The following WRN variants were observed in gnomAD, a reference collection of about 807,000 sequenced individuals.
WRN encodes the protein bifunctional 3'-5' exonuclease/ATP-dependent helicase WRN.
In WRN, 149 loss-of-function variants were observed where a neutral mutation model predicts 180.7. The observed-to-expected ratio is 0.82, with a 90% CI of 0.72 to 0.94. WRN has a LOEUF of 0.94. Ranked by LOEUF, WRN falls within the 40% of genes least tolerant of loss-of-function variation. The probability of loss-of-function intolerance (pLI) is 0.00; values close to 1 mark genes in which losing one functional copy is unlikely to be tolerated. For synonymous variants in WRN, 548 were observed against 568.9 expected (o/e 0.96, Z 0.52); for missense variants, 1,661 against 1,700.1 (o/e 0.98, Z 0.40).
chr8:31,081,235 A>C lies in WRN; in HGVS notation c.1208A>C (p.Gln403Pro). The C allele has an allele frequency of 6.2e-7, 1 of 1,612,920 alleles. No homozygotes were observed. Among genetic ancestry groups the C allele is most frequent in the Non-Finnish European group, 8.5e-7 (1 of 1,179,142 alleles). ...TTAGATATTACAGAACATGAACTCC[A>C]AATTTTGGAACAGCAGTCTCAGGAA... Reference protein sequence around the residue: ...MSLDITEHELQILEQQSQEEY... With the variant: ...MSLDITEHELPILEQQSQEEY... The change falls in exon 9 of 35, where the codon CAA becomes CCA. Residue 403 changes from glutamine (Q) to proline (P), a missense_variant. Gln to Pro is a moderately conservative substitution (Grantham distance 76, BLOSUM62 -1). This residue lies in a region of WRN where 500 missense variants were observed against 504.1 expected (regional missense o/e 0.99). Coordinates refer to ENST00000298139, the MANE Select transcript of WRN (RefSeq NM_000553.6).
chr8:31,103,273 T>A (rs921600220), intron 18 of WRN, among the ~76,000 whole-genome samples: 13 of 152,204 alleles, frequency 8.5e-5, no homozygotes, highest in Non-Finnish European at 1.8e-4. Context: ...TCTAAAATAA[T>A]GGAAAAGGGT....
chr8:31,107,593 G>A (rs1003348392), intron 18 of WRN, among the ~76,000 whole-genome samples: 2 of 152,170 alleles, frequency 1.3e-5, no homozygotes, highest in African/African-American at 2.4e-5. Flanking sequence ...ATGCCACCTG[G>A]TGGTTATAGT....
intron 1 of WRN, among the ~76,000 whole-genome samples, chr8:31,043,088 C>T (rs1192501566): frequency 6.6e-6 from 1 of 152,172 alleles, no homozygotes; most frequent in African/African-American, 2.4e-5. Flanking sequence ...GGTAGAGTGG[C>T]CTTCAGGCAA....
Position 31,101,931 on chromosome 8 carries a change from TA to T in WRN, c.2088+987del, listed in dbSNP as rs544146921. Among the ~76,000 whole-genome samples the T allele has an allele frequency of 5.5e-3, 817 of 147,722 alleles. 7 individuals are homozygous for T. Among genetic ancestry groups the T allele is most frequent in the African/African-American group, 0.016 (640 of 40,622 alleles). On this transcript the variant is annotated intron_variant, in intron 18 of 34. Coordinates refer to ENST00000298139, the MANE Select transcript of WRN (RefSeq NM_000553.6). ...AAAATTGTAGATTCACAAGAAGTTG[TA>T]AAAAAAAAAATACCTATATAGAGGT...
intron 30 of WRN, 72 bp from the exon 31 acceptor site, chr8:31,150,269 T>C (rs1803065784): frequency 8.0e-7 from 1 of 1,252,762 alleles, no homozygotes; most frequent in Non-Finnish European, 1.2e-6. Flanking sequence ...ACATCAGCTA[T>C]ATTGCTGGAG....
chr8:31,108,171 T>C (rs969113344), intron 18 of WRN, among the ~76,000 whole-genome samples: 2 of 152,198 alleles, frequency 1.3e-5, no homozygotes, highest in Non-Finnish European at 2.9e-5. Context: ...ACCTGTCAAC[T>C]TAAAGAATAC....
At chr8:31,036,117 T>C (rs1432703755) in intron 1 of WRN, among the ~76,000 whole-genome samples, 1 of 152,226 alleles carries the variant, frequency 6.6e-6, no homozygotes, top group Admixed American at 6.5e-5. Context: ...CATGCGATAT[T>C]TGTCTTTCCC....
chr8:31,135,288 C>T (rs1421799948), intron 24 of WRN, among the ~76,000 whole-genome samples: 1 of 152,028 alleles, frequency 6.6e-6, no homozygotes, highest in African/African-American at 2.4e-5. Flanking sequence ...AACTCCAGGG[C>T]TCTCAGGTGA....
chr8:31,064,621 G>A (rs1812622251), intron 4 of WRN, among the ~76,000 whole-genome samples, 187 bp downstream of exon 4: 2 of 152,102 alleles, frequency 1.3e-5, no homozygotes, highest in South Asian at 4.1e-4. Flanking sequence ...TACCTGTGAG[G>A]CATTGACATT....
chr8:31,057,417 A>C (rs772117617), intron 1 of WRN, among the ~76,000 whole-genome samples: 2 of 151,958 alleles, frequency 1.3e-5, no homozygotes, highest in Non-Finnish European at 2.9e-5. Flanking sequence ...AAAACATGCA[A>C]AAAATTAGCC....
intron 23 of WRN, among the ~76,000 whole-genome samples, chr8:31,128,029 G>T (rs888397489): frequency 5.9e-5 from 9 of 151,774 alleles, no homozygotes; most frequent in African/African-American, 2.2e-4. Flanking sequence ...AGAATTGCTT[G>T]AACCCAAGAC....
At chr8:31,042,833 T>C (rs544358186) in intron 1 of WRN, among the ~76,000 whole-genome samples, 2 of 152,346 alleles carry the variant, frequency 1.3e-5, no homozygotes, top group African/African-American at 4.8e-5. Context: ...AGGGTATTCA[T>C]TGAACGTTAT....
rs556811074 is a variant in WRN, at chr8:31,173,260, G to A, written c.*158G>A. The A allele has an allele frequency of 1.6e-4, 120 of 729,110 alleles. No individual in the cohort carries two copies. The highest frequency in any genetic ancestry group is 1.4e-3 in the African/African-American group (78 of 56,734). The allele number at this position is 729,110 out of a possible 1,614,324, so 45.2% of individuals were successfully genotyped here. A position where few individuals can be genotyped will look rare whatever the true frequency, so the allele number is the denominator to read the frequency against. ...AACTGGCATCTTAAATCAGCCTTCC[G>A]CAATTCATGTAGTTTCTGGGTCTTC... On this transcript the variant is annotated 3_prime_UTR_variant, in exon 35 of 35. Coordinates refer to ENST00000298139, the MANE Select transcript of WRN (RefSeq NM_000553.6).
intron 1 of WRN, among the ~76,000 whole-genome samples, chr8:31,044,342 CTTTTTT>C (rs34518426): frequency 2.9e-5 from 2 of 68,314 alleles, no homozygotes; most frequent in Non-Finnish European, 5.3e-5. Flanking sequence ...GCCCGACCTT[CTTTTTT>C]TTTTTTTTTT....
intron 1 of WRN, among the ~76,000 whole-genome samples, chr8:31,055,730 T>G (rs142329135): frequency 2.0e-4 from 30 of 152,326 alleles, no homozygotes; most frequent in African/African-American, 6.5e-4. Context: ...TTCACTCTGA[T>G]TTGCTGTGCA....
intron 21 of WRN, 67 bp downstream of exon 21, chr8:31,120,491 T>C: frequency 6.8e-7 from 1 of 1,462,362 alleles, no homozygotes; most frequent in South Asian, 1.2e-5. Flanking sequence ...ACCTCAAAAG[T>C]GTTTGAGGCT....
chr8:31,061,858 C>T (rs982598241), intron 3 of WRN, among the ~76,000 whole-genome samples: 1 of 152,118 alleles, frequency 6.6e-6, no homozygotes, highest in African/African-American at 2.4e-5. Flanking sequence ...GGTTGTTTGC[C>T]CAGCCCCATA....
chr8:31,043,886 C>T (rs896679329), intron 1 of WRN, among the ~76,000 whole-genome samples: 1 of 152,136 alleles, frequency 6.6e-6, no homozygotes, highest in Non-Finnish European at 1.5e-5. Flanking sequence ...CATTGAAGTA[C>T]AGTAGAAAAA....
At position 31,147,208 on chromosome 8, in the gene WRN, C is replaced by A. The variant is rs939152703; in HGVS notation, c.3459+80C>A. The A allele has an allele frequency of 5.2e-6, 8 of 1,533,722 alleles. No individual in the cohort carries two copies. In the South Asian group the frequency reaches 6.8e-5, roughly 13 times the overall value. On this transcript the variant is annotated intron_variant, in intron 29 of 34. Transcript: ENST00000298139. ...GTATGCTTAAAATTCTGTATTTTGC[C>A]AGCATTTTAAAAATTGTTCTTAAGC... is the stretch of plus-strand genomic sequence containing the variant.
Sources: gnomAD v4.1 joint callset for allele counts (sites outside exome capture counted in the v4.1 genomes callset) on GRCh38, gnomAD v4.1.1 for gene constraint, gnomAD v4.1.1 regional missense constraint, MANE v1.5 for transcripts, NCBI Gene and HGNC (gene_info 2026-07-23, HGNC 2026-07-21) for gene names.